Variants in KIAA0930 observed in about 807,000 individuals in gnomAD.
KIAA0930 encodes the protein KIAA0930.
A neutral mutation model predicts 43.9 loss-of-function variants in KIAA0930; 24 were observed. That is an observed-to-expected ratio of 0.55 (90% CI 0.40 to 0.77). The LOEUF (loss-of-function observed/expected upper bound fraction) is 0.77, where lower values mean the gene tolerates loss of function less well. Among genes scored for constraint, KIAA0930 ranks in the 30% least tolerant of loss-of-function variants. The pLI is 0.00. For missense variants in KIAA0930, 461 were observed against 574.2 expected (o/e 0.80, Z 2.02); for synonymous variants, 259 against 216.4 (o/e 1.20, Z -1.73).
At chr22:45,223,766 C>G (rs1278623461) in intron 1 of KIAA0930, among the ~76,000 whole-genome samples, 1 of 149,966 alleles carries the variant, frequency 6.7e-6, no homozygotes, top group African/African-American at 2.5e-5. Flanking sequence ...CACCCAGGAT[C>G]AGCACCAGAT....
chr22:45,197,242 T>TGAAACAGTAACCC, intron 9 of KIAA0930, 26 bp from the exon 10 acceptor site: 1 of 1,546,692 alleles, frequency 6.5e-7, no homozygotes, highest in Non-Finnish European at 8.7e-7. Context: ...GGGAAGCAGG[T>TGAAACAGTAACCC]GAAACAGTAA....
At chr22:45,231,722 C>T (rs530449583) in intron 1 of KIAA0930, among the ~76,000 whole-genome samples, 18 of 152,244 alleles carry the variant, frequency 1.2e-4, no homozygotes, top group Non-Finnish European at 2.4e-4. Flanking sequence ...GCACACCAGG[C>T]GCAGTGGCTT....
intron 1 of KIAA0930, among the ~76,000 whole-genome samples, chr22:45,233,355 G>A (rs1049045110): frequency 1.3e-5 from 2 of 152,148 alleles, no homozygotes; most frequent in Admixed American, 6.5e-5. Context: ...TCTAAGGAGT[G>A]GAGGCTGAGG....
intron 1 of KIAA0930, among the ~76,000 whole-genome samples, chr22:45,229,078 C>T (rs1370174821): frequency 2.5e-5 from 2 of 80,334 alleles, no homozygotes; most frequent in African/African-American, 1.3e-4. Context: ...AGATCCCTCT[C>T]CACCCCCCAA....
intron 1 of KIAA0930, among the ~76,000 whole-genome samples, chr22:45,217,352 C>T (rs926610131): frequency 5.4e-5 from 6 of 111,700 alleles, no homozygotes; most frequent in Admixed American, 2.3e-4. Context: ...CAGAGCAAGA[C>T]CCCGTCTCAA....
At chr22:45,230,484 C>T (rs2083845757) in intron 1 of KIAA0930, among the ~76,000 whole-genome samples, 1 of 152,098 alleles carries the variant, frequency 6.6e-6, no homozygotes, top group Non-Finnish European at 1.5e-5. Flanking sequence ...AGGAAAAGAG[C>T]ATCCTCATCT....
intron 1 of KIAA0930, among the ~76,000 whole-genome samples, chr22:45,235,096 G>A (rs549072059): frequency 1.3e-5 from 2 of 152,236 alleles, no homozygotes; most frequent in Non-Finnish European, 2.9e-5. Context: ...TGGTGTGGCT[G>A]ACACAAGCCT....
rs1399013187 is a variant in KIAA0930, at chr22:45,195,698, T to A, written c.*1478A>T. The A allele has an allele frequency of 1.3e-5, 2 of 152,528 alleles. No homozygotes were observed. Among genetic ancestry groups the A allele is most frequent in the African/African-American group, 4.8e-5 (2 of 41,370 alleles). The allele number at this position is 152,528 out of a possible 1,614,324, so 9.4% of individuals were successfully genotyped here. ...GGGGGAGGAGGGCATCCCAGGAGTC[T>A]AACATCCAACCCGACCTATGCAGAA... is the stretch of plus-strand genomic sequence containing the variant. On this transcript the variant is annotated 3_prime_UTR_variant, in exon 10 of 10. Transcript: ENST00000336156.
intron 1 of KIAA0930, among the ~76,000 whole-genome samples, chr22:45,221,934 A>C (rs1411861608): frequency 6.6e-6 from 1 of 152,200 alleles, no homozygotes; most frequent in Admixed American, 6.5e-5. Flanking sequence ...GGGTATCACC[A>C]TGGTGACCAG....
chr22:45,197,522 C>G lies in KIAA0930; in HGVS notation c.1174+268G>C, dbSNP rs555908460. Among the ~76,000 whole-genome samples, 464 of 152,296 alleles carry G rather than the reference C, an allele frequency of 3.0e-3. 1 individual carries two copies. Among genetic ancestry groups the G allele is most frequent in the African/African-American group, 0.01 (418 of 41,550 alleles). ...GGTGGCCTGAGAGCCTCCCCTCGCCCGTGAGTAACACACACCTGGGCATCT... is the reference window on the plus strand; with the variant it reads ...GGTGGCCTGAGAGCCTCCCCTCGCCGGTGAGTAACACACACCTGGGCATCT... On this transcript the variant is annotated intron_variant, in intron 9 of 9. Coordinates refer to ENST00000336156, the MANE Select transcript of KIAA0930 (RefSeq NM_001009880.2).
At chr22:45,214,950 G>A (rs2147751628) in intron 1 of KIAA0930, among the ~76,000 whole-genome samples, 1 of 151,510 alleles carries the variant, frequency 6.6e-6, no homozygotes. Context: ...AGGTGCAGTG[G>A]CTCACACCTG....
At position 45,197,166 on chromosome 22, in the gene KIAA0930, C is replaced by CCGCA. The variant is rs1413858805; in HGVS notation, c.*6_*9dup. 7 of 1,547,202 alleles carry CCGCA rather than the reference C, an allele frequency of 4.5e-6. No homozygotes were observed. Among genetic ancestry groups the CCGCA allele is most frequent in the Non-Finnish European group, 6.1e-6 (7 of 1,144,914 alleles). ...GCCCGGCCGGGGCTCTGCGCAGGCT[C>CCGCA]CGCACGCGGCTAGGTCATCAGGATG... On this transcript the variant is annotated 3_prime_UTR_variant, in exon 10 of 10. Transcript: ENST00000336156.
intron 1 of KIAA0930, among the ~76,000 whole-genome samples, chr22:45,212,850 G>T (rs915888501): frequency 1.3e-5 from 2 of 152,244 alleles, no homozygotes; most frequent in African/African-American, 4.8e-5. Flanking sequence ...CTGAGCCACA[G>T]GTTCCTCGGG....
In KIAA0930 at chr22:45,196,146, G is replaced by A. The variant is rs1347347329; in HGVS notation, c.*1030C>T. The A allele has an allele frequency of 6.6e-6, 1 of 152,228 alleles. No homozygotes were observed. Among genetic ancestry groups the A allele is most frequent in the Non-Finnish European group, 1.5e-5 (1 of 68,082 alleles). 9.4% of individuals were successfully genotyped at this position (152,228 alleles called of 1,614,324 possible). A position where few individuals can be genotyped will look rare whatever the true frequency, so the allele number is the denominator to read the frequency against. ...CGCCTTCATGCTGGACCAGGCCGAGGGCAGGCCTGGGGCTGGGCAGCTGCT... is the reference window on the plus strand; with the variant it reads ...CGCCTTCATGCTGGACCAGGCCGAGAGCAGGCCTGGGGCTGGGCAGCTGCT... On this transcript the variant is annotated 3_prime_UTR_variant, in exon 10 of 10. Coordinates refer to ENST00000336156, the MANE Select transcript of KIAA0930 (RefSeq NM_001009880.2). The surrounding 1 kb of genome is among the most constrained non-coding windows in gnomAD (Gnocchi z 4.1).
intron 1 of KIAA0930, among the ~76,000 whole-genome samples, chr22:45,223,860 A>G (rs1416720506): frequency 3.4e-5 from 5 of 145,754 alleles, no homozygotes; most frequent in African/African-American, 7.8e-5. Context: ...AGCACCCAGG[A>G]TCAGCACCAG....
chr22:45,222,286 G>A (rs5766559), intron 1 of KIAA0930, among the ~76,000 whole-genome samples: 69,794 of 152,032 alleles, frequency 0.46, 16,851 homozygotes, highest in East Asian at 0.68. Flanking sequence ...CTATTAAGGA[G>A]AAGAATGATC....
chr22:45,239,622 T>C (rs955873651), intron 1 of KIAA0930, among the ~76,000 whole-genome samples: 1 of 152,138 alleles, frequency 6.6e-6, no homozygotes, highest in Non-Finnish European at 1.5e-5. Flanking sequence ...GACTGCCATG[T>C]CCCTGCAGCT....
At chr22:45,230,291 C>A (rs1437641038) in intron 1 of KIAA0930, among the ~76,000 whole-genome samples, 15 of 152,164 alleles carry the variant, frequency 9.9e-5, no homozygotes, top group Admixed American at 7.2e-4. Flanking sequence ...GAGACACATA[C>A]AGGTGGGAGC....
intron 1 of KIAA0930, among the ~76,000 whole-genome samples, chr22:45,220,317 C>T (rs226497): frequency 0.99 from 150,392 of 152,028 alleles, 74,391 homozygotes; most frequent in East Asian, 1. Flanking sequence ...TAGCCGGGTG[C>T]GGTGGCAGGT....
Sources: allele counts gnomAD v4.1 joint callset (sites outside exome capture counted in the v4.1 genomes callset), GRCh38; gene constraint gnomAD v4.1.1; non-coding constraint Gnocchi (gnomAD v3.1); transcripts MANE v1.5; gene names NCBI Gene and HGNC (gene_info 2026-07-23, HGNC 2026-07-21).